Variants in ESRRG observed in about 807,000 individuals in gnomAD.
ESRRG encodes the protein estrogen-related receptor gamma.
ESRRG carries 13 observed loss-of-function variants against 44.0 expected under a neutral mutation model. The ratio of observed to expected loss-of-function variants is 0.30; its 90% CI spans 0.19 to 0.47. The LOEUF (loss-of-function observed/expected upper bound fraction) is 0.47, where lower values mean the gene tolerates loss of function less well. ESRRG is among the 20% of genes least tolerant of loss of function. ESRRG has a pLI of 1.00. For missense variants in ESRRG, 395 were observed against 580.6 expected (o/e 0.68, Z 3.29); for synonymous variants, 215 against 214.6 (o/e 1.00, Z -0.02).
chr1:216,867,975 T>A (rs2096196293), intron 2 of ESRRG, among the ~76,000 whole-genome samples: 1 of 152,080 alleles, frequency 6.6e-6, no homozygotes, highest in African/African-American at 2.4e-5. Flanking sequence ...TACAATTTTA[T>A]CTTTTTGTGA....
Position 216,881,920 on chromosome 1 carries a change from A to G in ESRRG, c.-14+57662T>C, listed in dbSNP as rs143730412. Among the ~76,000 whole-genome samples, 29 of 151,914 alleles carry G rather than the reference A, an allele frequency of 1.9e-4. No individual in the cohort carries two copies. The East Asian group carries it at 5.2e-3, about 27-fold the overall frequency. ...CATGTTTTCAAAGTACAGAATTCCAAAACTGTGCTGATGAGTCTTCTGAAT... is the reference window on the plus strand; with the variant it reads ...CATGTTTTCAAAGTACAGAATTCCAGAACTGTGCTGATGAGTCTTCTGAAT... On this transcript the variant is annotated intron_variant, in intron 2 of 7. Transcript: ENST00000359162.
At chr1:216,662,986 T>C (rs1223976226) in intron 2 of ESRRG, among the ~76,000 whole-genome samples, 1 of 152,246 alleles carries the variant, frequency 6.6e-6, no homozygotes, top group Non-Finnish European at 1.5e-5. Context: ...CTTTACAGTC[T>C]ATTATCCATT....
intron 1 of ESRRG, among the ~76,000 whole-genome samples, chr1:216,958,014 C>A (rs2068290036): frequency 9.7e-6 from 1 of 102,836 alleles, no homozygotes; most frequent in South Asian, 3.1e-4. Context: ...CAGAAGGTCA[C>A]ATGAATGGAA....
intron 6 of ESRRG, among the ~76,000 whole-genome samples, chr1:216,510,652 G>C (rs575335327): frequency 2.6e-5 from 4 of 152,144 alleles, no homozygotes; most frequent in African/African-American, 9.7e-5. Context: ...TTGGGAGGCC[G>C]AGGCAGGCAG....
intron 2 of ESRRG, among the ~76,000 whole-genome samples, chr1:216,756,417 G>A (rs1341338299): frequency 6.6e-6 from 1 of 151,914 alleles, no homozygotes; most frequent in Non-Finnish European, 1.5e-5. Flanking sequence ...AACCAGCCAG[G>A]CATTCCTACT....
intron 3 of ESRRG, among the ~76,000 whole-genome samples, chr1:216,604,590 G>T (rs369459374): frequency 6.6e-6 from 1 of 152,100 alleles, no homozygotes; most frequent in East Asian, 1.9e-4. Flanking sequence ...TTAATAAGGG[G>T]CATATAGGCT....
intron 2 of ESRRG, among the ~76,000 whole-genome samples, chr1:216,779,221 AT>A (rs2093751926): frequency 3.0e-5 from 2 of 66,914 alleles, no homozygotes; most frequent in Middle Eastern, 7.2e-3. Flanking sequence ...ATATATATTT[AT>A]ATTTATAAAT....
At chr1:216,880,331 A>G (rs1041865979) in intron 2 of ESRRG, among the ~76,000 whole-genome samples, 3 of 150,384 alleles carry the variant, frequency 2.0e-5, no homozygotes, top group African/African-American at 7.3e-5. Flanking sequence ...AAAAAAAAAA[A>G]AAAGTTTTCA....
At chr1:216,563,040 G>T (rs1012582483) in intron 5 of ESRRG, among the ~76,000 whole-genome samples, 4 of 152,104 alleles carry the variant, frequency 2.6e-5, no homozygotes, top group African/African-American at 9.7e-5. Flanking sequence ...TCTTTTATAT[G>T]TAGTAATCCT....
chr1:217,077,763 A>C (rs1321550365), intron 1 of ESRRG, among the ~76,000 whole-genome samples: 1 of 152,206 alleles, frequency 6.6e-6, no homozygotes, highest in Non-Finnish European at 1.5e-5. Context: ...TCTTTTGTCC[A>C]TGAATTTATG....
intron 2 of ESRRG, among the ~76,000 whole-genome samples, chr1:216,852,862 GA>G: frequency 1.7e-5 from 2 of 115,494 alleles, no homozygotes; most frequent in Non-Finnish European, 3.5e-5. Flanking sequence ...TTAATTGTTT[GA>G]CTGTCTCTGT....
intron 2 of ESRRG, among the ~76,000 whole-genome samples, chr1:216,749,316 C>T (rs11572652): frequency 0.025 from 3,762 of 152,150 alleles, 167 homozygotes; most frequent in African/African-American, 0.086. Flanking sequence ...ACCATACCGA[C>T]GGCACCTGTT....
intron 5 of ESRRG, among the ~76,000 whole-genome samples, chr1:216,547,830 T>A (rs1407489229): frequency 6.6e-6 from 1 of 152,078 alleles, no homozygotes; most frequent in Non-Finnish European, 1.5e-5. Flanking sequence ...TGCCAATTTT[T>A]TCAATTAGAC....
intron 2 of ESRRG, among the ~76,000 whole-genome samples, chr1:216,870,284 G>C (rs1250299483): frequency 1.4e-5 from 2 of 140,654 alleles, no homozygotes. Context: ...GGATTACATT[G>C]ATTGATATCT....
chr1:216,978,827 C>T (rs2073427872), intron 1 of ESRRG, among the ~76,000 whole-genome samples: 2 of 152,144 alleles, frequency 1.3e-5, no homozygotes, highest in Admixed American at 6.6e-5. Flanking sequence ...AGAAGGAGGC[C>T]AAGGTCTCTT....
intron 2 of ESRRG, among the ~76,000 whole-genome samples, chr1:216,880,479 G>C (rs2096429284): frequency 6.6e-6 from 1 of 151,938 alleles, no homozygotes; most frequent in African/African-American, 2.4e-5. Context: ...AAAATAACTT[G>C]ATACCATCAT....
At chr1:217,093,654 T>C (rs2092382692), upstream of ESRRG, among the ~76,000 whole-genome samples, 1 of 151,780 alleles carries the variant, frequency 6.6e-6, no homozygotes, top group Non-Finnish European at 1.5e-5. Context: ...CATGGTGGCA[T>C]GTGCCTGTTG....
chr1:216,707,526 A>T, intron 1 of ESRRG: 1 of 1,510,440 alleles, frequency 6.6e-7, no homozygotes, highest in East Asian at 2.5e-5. Flanking sequence ...GAAAGTTGCA[A>T]TTTGCTGAAG....
At chr1:216,550,872 C>T (rs952131905) in intron 5 of ESRRG, among the ~76,000 whole-genome samples, 1 of 152,096 alleles carries the variant, frequency 6.6e-6, no homozygotes, top group Non-Finnish European at 1.5e-5. Flanking sequence ...AACAACCATG[C>T]ATATAGAGTT....
Sources: gnomAD v4.1 joint callset for allele counts (sites outside exome capture counted in the v4.1 genomes callset) on GRCh38, gnomAD v4.1.1 for gene constraint, MANE v1.5 for transcripts, NCBI Gene and HGNC (gene_info 2026-07-23, HGNC 2026-07-21) for gene names.